The following MAP2K5 variants were observed in gnomAD, a reference collection of about 807,000 sequenced individuals.
MAP2K5 encodes the protein dual specificity mitogen-activated protein kinase kinase 5.
A neutral mutation model predicts 83.1 loss-of-function variants in MAP2K5; 49 were observed. That is an observed-to-expected ratio of 0.59 (90% confidence interval 0.47 to 0.75). The LOEUF (loss-of-function observed/expected upper bound fraction) is 0.75. MAP2K5 is among the 30% of genes least tolerant of loss of function. The pLI, the probability that MAP2K5 is intolerant of heterozygous loss-of-function variation, is 0.00. For synonymous variants in MAP2K5, 202 were observed against 191.8 expected, an observed-to-expected ratio of 1.05 and a Z score of -0.44; for missense variants, 457 against 557.5, an observed-to-expected ratio of 0.82 and a Z score of 1.82.
chr15:67,763,379 C>T (rs371416747), intron 19 of MAP2K5, among the ~76,000 whole-genome samples: 27 of 152,300 alleles, frequency 1.8e-4, no homozygotes, highest in African/African-American at 5.3e-4. Flanking sequence ...ACACTCTAAA[C>T]GAGACTCATT....
At chr15:67,566,209 C>T (rs1285557287) in intron 3 of MAP2K5, among the ~76,000 whole-genome samples, 1 of 152,060 alleles carries the variant, frequency 6.6e-6, no homozygotes, top group Non-Finnish European at 1.5e-5. Context: ...AAGTCTCATT[C>T]TGTTGCCTAG....
At chr15:67,687,458 A>G (rs1244466640) in intron 13 of MAP2K5, among the ~76,000 whole-genome samples, 1 of 152,206 alleles carries the variant, frequency 6.6e-6, no homozygotes, top group African/African-American at 2.4e-5. Context: ...CATGAACAGT[A>G]TTTTTGTTCA....
At chr15:67,628,991 C>T (rs1434630822) in intron 8 of MAP2K5, 13 of 758,492 alleles carry the variant, frequency 1.7e-5, no homozygotes, top group Non-Finnish European at 2.9e-5. Context: ...CTTCAAATTT[C>T]AGACCCGTGA....
chr15:67,648,133 T>C lies in MAP2K5; in HGVS notation c.736+1664T>C, dbSNP rs533762707. ...GTGTACAATTCCATGGTTTTTGATA[T>C]ACTCACAAGGTTGTGTAGTCATCAC... is the stretch of plus-strand genomic sequence containing the variant. On this transcript the variant is annotated intron_variant, in intron 11 of 21. Transcript: ENST00000178640. Among the ~76,000 whole-genome samples, 26 of 152,334 alleles carry C rather than the reference T, an allele frequency of 1.7e-4. No individual in the cohort carries two copies. In the South Asian group the frequency reaches 5.2e-3, roughly 30 times the overall value.
chr15:67,548,845 G>A (rs60016009), intron 1 of MAP2K5, among the ~76,000 whole-genome samples: 22,402 of 151,788 alleles, frequency 0.15, 2,146 homozygotes, highest in African/African-American at 0.26. Context: ...ATCTCTTTTG[G>A]CTGTAATGAG....
rs2090492574 is a variant in MAP2K5, at chr15:67,790,241, C to G, written c.1243-16405C>G. Among the ~76,000 whole-genome samples the G allele has an allele frequency of 6.6e-6, 1 of 152,184 alleles. No homozygotes were observed. Among genetic ancestry groups the G allele is most frequent in the Non-Finnish European group, 1.5e-5 (1 of 68,030 alleles). ...GGAAGACTGTGTGGTTTTCTCAACA[C>G]TGTCCTGATGGAGCCCTGACCAGCA... On this transcript the variant is annotated intron_variant, in intron 21 of 21. Coordinates refer to ENST00000178640, the MANE Select transcript of MAP2K5 (RefSeq NM_145160.3). The surrounding 1 kb of genome is among the most constrained non-coding windows in gnomAD (Gnocchi z 4.6).
rs546500752 is a variant in MAP2K5 at position 67,543,979 on chromosome 15, C to T, written c.135+509C>T. Among the ~76,000 whole-genome samples the T allele has an allele frequency of 2.0e-5, 3 of 152,350 alleles. No individual in the cohort carries two copies. Among genetic ancestry groups the T allele is most frequent in the Admixed American group, 1.3e-4 (2 of 15,312 alleles). Reference sequence around the variant, plus strand: ...AGGCTGCAGTGCTGTGGCACGATCTCGGCTCACTGCAGCCTCTGCCTCCTG... The same window carrying T: ...AGGCTGCAGTGCTGTGGCACGATCTTGGCTCACTGCAGCCTCTGCCTCCTG... On this transcript the variant is annotated intron_variant, in intron 1 of 21. Coordinates refer to ENST00000178640, the MANE Select transcript of MAP2K5 (RefSeq NM_145160.3). This position sits in a 1 kb window ranked among gnomAD's most constrained non-coding sequence, Gnocchi z 4.3.
chr15:67,763,873 A>G (rs1025386188), intron 19 of MAP2K5, among the ~76,000 whole-genome samples: 2 of 152,226 alleles, frequency 1.3e-5, no homozygotes, highest in Non-Finnish European at 2.9e-5. Flanking sequence ...CAGTGATCCA[A>G]TAGAGCTTTG....
At chr15:67,759,403 A>C (rs561076176) in intron 19 of MAP2K5, among the ~76,000 whole-genome samples, 57 of 152,038 alleles carry the variant, frequency 3.7e-4, no homozygotes, top group Admixed American at 1.6e-3. Context: ...TACAAAAAAA[A>C]ACAAAAATTA....
intron 21 of MAP2K5, among the ~76,000 whole-genome samples, chr15:67,800,602 A>G (rs774228715): frequency 1.6e-4 from 24 of 152,346 alleles, no homozygotes; most frequent in Non-Finnish European, 2.8e-4. Context: ...GCAATGACCA[A>G]TTGTTCATAT....
At chr15:67,609,173 C>T (rs1484263881) in intron 8 of MAP2K5, among the ~76,000 whole-genome samples, 1 of 152,118 alleles carries the variant, frequency 6.6e-6, no homozygotes, top group South Asian at 2.1e-4. Flanking sequence ...ATTCAGCATT[C>T]AGTTACCATA....
intron 2 of MAP2K5, among the ~76,000 whole-genome samples, chr15:67,553,641 T>C (rs62015112): frequency 0.16 from 24,988 of 151,840 alleles, 2,849 homozygotes; most frequent in African/African-American, 0.32. Flanking sequence ...AGGCCGGGCG[T>C]GGTGGCTCAC....
intron 21 of MAP2K5, among the ~76,000 whole-genome samples, chr15:67,803,685 G>T (rs2090745909): frequency 1.3e-5 from 2 of 152,222 alleles, no homozygotes; most frequent in African/African-American, 4.8e-5. Flanking sequence ...AGGAGGGGGA[G>T]TCAGTGACTC....
At chr15:67,551,758 C>T (rs2084515062) in intron 2 of MAP2K5, among the ~76,000 whole-genome samples, 3 of 151,922 alleles carry the variant, frequency 2.0e-5, no homozygotes, top group Admixed American at 2.0e-4. Flanking sequence ...GGATTATTTT[C>T]AATAGCAAAA....
intron 3 of MAP2K5, among the ~76,000 whole-genome samples, chr15:67,574,399 C>T (rs931816468): frequency 6.6e-6 from 1 of 151,620 alleles, no homozygotes; most frequent in Non-Finnish European, 1.5e-5. Flanking sequence ...TGGTGAAACC[C>T]CATCTCTACT....
intron 3 of MAP2K5, among the ~76,000 whole-genome samples, chr15:67,578,749 A>G (rs935871798): frequency 1.3e-5 from 2 of 152,168 alleles, no homozygotes; most frequent in African/African-American, 4.8e-5. Context: ...AAGGAAAACC[A>G]TTTTTATTTA....
In MAP2K5 at chr15:67,572,552, G is replaced by T. The variant is rs1418767946; in HGVS notation, c.253-8202G>T. Among the ~76,000 whole-genome samples the T allele has an allele frequency of 2.0e-5, 3 of 152,192 alleles. No homozygotes were observed. Among genetic ancestry groups the T allele is most frequent in the Non-Finnish European group, 2.9e-5 (2 of 68,034 alleles). On this transcript the variant is annotated intron_variant, in intron 3 of 21. Coordinates refer to ENST00000178640, the MANE Select transcript of MAP2K5 (RefSeq NM_145160.3). The surrounding 1 kb of genome is among the most constrained non-coding windows in gnomAD (Gnocchi z 4.2). The stretch of plus-strand genomic sequence containing the variant: ...TCCATAGAGTAGGACGTTCCCGAAA[G>T]TAGGAGGATGAATGTGCCCACCCTA...
At chr15:67,625,761 T>C (rs1187965934) in intron 8 of MAP2K5, among the ~76,000 whole-genome samples, 1 of 152,210 alleles carries the variant, frequency 6.6e-6, no homozygotes, top group African/African-American at 2.4e-5. Flanking sequence ...CCACATAGCA[T>C]CTTTATTCCT....
At chr15:67,704,305 GTCTTGAAC>G (rs2088498447) in intron 16 of MAP2K5, among the ~76,000 whole-genome samples, 1 of 152,120 alleles carries the variant, frequency 6.6e-6, no homozygotes, top group Non-Finnish European at 1.5e-5. Context: ...GCCTGGGCTG[GTCTTGAAC>G]TCTTGGGCTC....
Sources: gnomAD v4.1 joint callset for allele counts (sites outside exome capture counted in the v4.1 genomes callset) on GRCh38, gnomAD v4.1.1 for gene constraint, Gnocchi (gnomAD v3.1) non-coding constraint, MANE v1.5 for transcripts, NCBI Gene and HGNC (gene_info 2026-07-23, HGNC 2026-07-21) for gene names.